Variants in WWOX observed in about 807,000 individuals in gnomAD.
WWOX encodes the protein WW domain-containing oxidoreductase.
Under a neutral mutation model 46.2 loss-of-function variants are expected in WWOX, and 69 were observed. The ratio of observed to expected loss-of-function variants is 1.49; its 90% CI spans 1.23 to 1.82. The LOEUF is 1.82. Among genes scored for constraint, WWOX ranks in the 40% most tolerant of loss-of-function variants. The probability of loss-of-function intolerance (pLI) is 0.00; values close to 1 mark genes in which losing one functional copy is unlikely to be tolerated. For missense variants in WWOX, 919 were observed against 542.6 expected, an observed-to-expected ratio of 1.69 and a Z score of -6.89; for synonymous variants, 359 against 202.6, an observed-to-expected ratio of 1.77 and a Z score of -6.56.
At chr16:78,612,876 C>T (rs1251379551) in intron 8 of WWOX, among the ~76,000 whole-genome samples, 3 of 152,164 alleles carry the variant, frequency 2.0e-5, no homozygotes, top group Non-Finnish European at 2.9e-5. Context: ...TCAGCATAGT[C>T]CCTTAGGGTA....
At chr16:78,869,068 C>G (rs1306470387) in intron 8 of WWOX, among the ~76,000 whole-genome samples, 1 of 152,118 alleles carries the variant, frequency 6.6e-6, no homozygotes, top group African/African-American at 2.4e-5. Context: ...TCAGAGATAA[C>G]CACTGTATGT....
chr16:78,840,627 C>T (rs570015496), intron 8 of WWOX, among the ~76,000 whole-genome samples: 1 of 152,010 alleles, frequency 6.6e-6, no homozygotes, highest in Non-Finnish European at 1.5e-5. Flanking sequence ...GTGATGTCCT[C>T]ATAAATCACC....
chr16:78,258,889 A>G (rs2038204099), intron 5 of WWOX, among the ~76,000 whole-genome samples: 2 of 152,060 alleles, frequency 1.3e-5, no homozygotes, highest in African/African-American at 4.8e-5. Context: ...ACACTCCACA[A>G]ATCTCCACTT....
intron 4 of WWOX, among the ~76,000 whole-genome samples, chr16:78,159,004 C>G (rs890152731): frequency 6.6e-6 from 1 of 152,058 alleles, no homozygotes; most frequent in Admixed American, 6.6e-5. Context: ...TCTTAGATTC[C>G]TCATATAAAT....
At chr16:78,954,920 G>A (rs933913850) in intron 8 of WWOX, among the ~76,000 whole-genome samples, 1 of 152,130 alleles carries the variant, frequency 6.6e-6, no homozygotes, top group African/African-American at 2.4e-5. Flanking sequence ...TTCCTGAGTA[G>A]CTGAGACCAC....
rs1567625973 is a variant in WWOX, at chr16:79,212,038, C to T, written c.*242C>T. ...GGTCTCTTTGCTTTCTGGTGGTGGC[C>T]TGTTTGAAAGTAAAAACCTGCTTGG... On this transcript the variant is annotated 3_prime_UTR_variant, in exon 9 of 9. Coordinates refer to ENST00000566780, the MANE Select transcript of WWOX (RefSeq NM_016373.4). 6.5e-7 allele frequency: 1 copy of T among 1,536,244 alleles called. No individual in the cohort carries two copies. Among genetic ancestry groups the T allele is most frequent in the Non-Finnish European group, 8.7e-7 (1 of 1,146,904 alleles).
At chr16:79,064,711 GGAGGAGT>G (rs1418329224) in intron 8 of WWOX, among the ~76,000 whole-genome samples, 1 of 152,238 alleles carries the variant, frequency 6.6e-6, no homozygotes, top group Non-Finnish European at 1.5e-5. Context: ...CAGCCCTGAG[GGAGGAGT>G]GTACAATTCA....
At chr16:78,106,572 A>G (rs1284026096) in intron 1 of WWOX, among the ~76,000 whole-genome samples, 2 of 151,928 alleles carry the variant, frequency 1.3e-5, no homozygotes, top group South Asian at 4.2e-4. Context: ...ATGTGCCACC[A>G]CGCCAGGCTA....
intron 8 of WWOX, among the ~76,000 whole-genome samples, chr16:78,678,806 C>T (rs1377085313): frequency 6.6e-6 from 1 of 152,106 alleles, no homozygotes; most frequent in African/African-American, 2.4e-5. Flanking sequence ...GCTTTACATG[C>T]ATCCCCTCAT....
intron 8 of WWOX, among the ~76,000 whole-genome samples, chr16:78,673,194 A>G (rs949371220): frequency 6.6e-6 from 1 of 152,218 alleles, no homozygotes; most frequent in East Asian, 1.9e-4. Flanking sequence ...AGGTGAGATC[A>G]GTAGAAGAGT....
intron 8 of WWOX, among the ~76,000 whole-genome samples, chr16:79,126,854 A>G (rs1329137665): frequency 1.3e-5 from 2 of 152,114 alleles, no homozygotes; most frequent in African/African-American, 4.8e-5. Flanking sequence ...GGAACAGGAA[A>G]TTGTGCTCAA....
chr16:78,676,475 C>T (rs942301421), intron 8 of WWOX, among the ~76,000 whole-genome samples: 1 of 151,828 alleles, frequency 6.6e-6, no homozygotes, highest in Non-Finnish European at 1.5e-5. Context: ...AAGCTCCCCA[C>T]CCCCACCTTT....
At chr16:78,471,655 G>T (rs940584828) in intron 8 of WWOX, among the ~76,000 whole-genome samples, 2 of 152,084 alleles carry the variant, frequency 1.3e-5, no homozygotes, top group African/African-American at 4.8e-5. Context: ...TTAGGGTAAT[G>T]GCCTCATGCT....
At chr16:79,147,390 A>G (rs2050200904) in intron 8 of WWOX, among the ~76,000 whole-genome samples, 1 of 152,196 alleles carries the variant, frequency 6.6e-6, no homozygotes, top group Non-Finnish European at 1.5e-5. Flanking sequence ...ACTCGGTACA[A>G]TTCCGTGGAG....
intron 8 of WWOX, among the ~76,000 whole-genome samples, chr16:78,465,199 C>A (rs191899631): frequency 6.6e-6 from 1 of 152,208 alleles, no homozygotes; most frequent in Non-Finnish European, 1.5e-5. Flanking sequence ...GGTGGGGACA[C>A]AGACAAATTG....
chr16:79,134,547 T>A (rs1203257938), intron 8 of WWOX, among the ~76,000 whole-genome samples: 1 of 152,176 alleles, frequency 6.6e-6, no homozygotes, highest in Non-Finnish European at 1.5e-5. Context: ...TGGGGCCTCT[T>A]CCTCATTGCT....
intron 8 of WWOX, among the ~76,000 whole-genome samples, chr16:78,820,111 C>T (rs566556818): frequency 2.6e-4 from 40 of 152,244 alleles, no homozygotes; most frequent in African/African-American, 9.6e-4. Flanking sequence ...CTGTCATGGG[C>T]CTGGCACTCT....
chr16:79,025,003 T>A (rs1159187178), intron 8 of WWOX, among the ~76,000 whole-genome samples: 1 of 152,192 alleles, frequency 6.6e-6, no homozygotes, highest in East Asian at 1.9e-4. Flanking sequence ...TGAGCTGATG[T>A]AAATGAAGCA....
At position 78,458,907 on chromosome 16, in the gene WWOX, C is replaced by A. The variant is rs140395146; in HGVS notation, c.1056+26155C>A. 7.2e-5 allele frequency among the ~76,000 whole-genome samples: 11 copies of A among 152,182 alleles called. No individual in the cohort carries two copies. The East Asian group carries it at 1.4e-3, about 19-fold the overall frequency. On this transcript the variant is annotated intron_variant, in intron 8 of 8. Transcript: ENST00000566780. ...ATTTGGCCTGGGAGGGAAAAAAAATCTTTCATTTCCAACAATATTCATTCT... is the reference window on the plus strand; with the variant it reads ...ATTTGGCCTGGGAGGGAAAAAAAATATTTCATTTCCAACAATATTCATTCT...
Sources: allele counts gnomAD v4.1 joint callset (sites outside exome capture counted in the v4.1 genomes callset), GRCh38; gene constraint gnomAD v4.1.1; transcripts MANE v1.5; gene names NCBI Gene and HGNC (gene_info 2026-07-23, HGNC 2026-07-21).